The following NINL variants were observed in gnomAD, a reference collection of about 807,000 sequenced individuals.
NINL encodes the protein ninein-like protein.
In NINL, 153 loss-of-function variants were observed where a neutral mutation model predicts 160.3. The ratio of observed to expected loss-of-function variants is 0.95; its 90% CI spans 0.84 to 1.09. The LOEUF is 1.09. Among genes scored for constraint, NINL ranks in the 50% least tolerant of loss-of-function variants. The pLI is 0.00. For missense variants in NINL, 1,829 were observed against 1,764.0 expected, an observed-to-expected ratio of 1.04 and a Z score of -0.66; for synonymous variants, 800 against 734.8, an observed-to-expected ratio of 1.09 and a Z score of -1.43.
At chr20:25,544,237 C>A (rs922945421) in intron 1 of NINL, among the ~76,000 whole-genome samples, 1 of 152,036 alleles carries the variant, frequency 6.6e-6, no homozygotes, top group African/African-American at 2.4e-5. Context: ...TGGCCCCAGG[C>A]AACTCCTGGC....
At chr20:25,536,154 A>T (rs1395678459) in intron 1 of NINL, among the ~76,000 whole-genome samples, 1 of 152,196 alleles carries the variant, frequency 6.6e-6, no homozygotes, top group African/African-American at 2.4e-5. Context: ...CTTTCCACCT[A>T]CCCAAGAGAC....
At chr20:25,546,772 G>C (rs922733331) in intron 1 of NINL, among the ~76,000 whole-genome samples, 1 of 151,946 alleles carries the variant, frequency 6.6e-6, no homozygotes, top group Non-Finnish European at 1.5e-5. Flanking sequence ...AAACCCCACC[G>C]AGAGAGAGGA....
chr20:25,501,062 G>A, intron 7 of NINL, 52 bp from the exon 8 acceptor site: 1 of 1,572,038 alleles, frequency 6.4e-7, no homozygotes, highest in Non-Finnish European at 8.6e-7. Context: ...CCTCACGCCT[G>A]TGTGCTGCTG....
At chr20:25,485,244 G>C (rs951082137) in intron 13 of NINL, among the ~76,000 whole-genome samples, 1 of 152,206 alleles carries the variant, frequency 6.6e-6, no homozygotes, top group East Asian at 1.9e-4. Flanking sequence ...CCTCAGTCAT[G>C]AGAAAATATT....
intron 1 of NINL, among the ~76,000 whole-genome samples, chr20:25,545,006 G>T (rs578132429): frequency 9.2e-5 from 14 of 152,350 alleles, no homozygotes. Flanking sequence ...GACTGAGGCA[G>T]AAGTCTCAAC....
intron 21 of NINL, chr20:25,458,744 C>A: frequency 3.8e-6 from 2 of 532,466 alleles, no homozygotes; most frequent in Non-Finnish European, 3.3e-6. Flanking sequence ...TGCTAGAGTG[C>A]AGAAAACATG....
In NINL at chr20:25,458,434, G is replaced by A. The variant is rs140333821; in HGVS notation, c.3792C>T (p.Arg1264=). ...CCTGCTCTCCCTGAAGGCTGAGCAG[G>A]CGATGCAGCTCGGCCACACGGTCCT... ...VPQDRVAELH[R]LLSLQGEQAR... is the part of the protein sequence containing the mutation. The change falls in exon 22 of 24, where the codon CGC becomes CGT. Residue 1264 remains arginine, a synonymous_variant. Transcript: ENST00000278886. 1.9e-6 allele frequency: 3 copies of A among 1,606,408 alleles called. No homozygotes were observed. Among genetic ancestry groups the A allele is most frequent in the East Asian group, 4.5e-5 (2 of 44,866 alleles).
At chr20:25,518,800 T>A (rs909406994) in intron 2 of NINL, among the ~76,000 whole-genome samples, 7 of 152,074 alleles carry the variant, frequency 4.6e-5, no homozygotes, top group African/African-American at 1.7e-4. Context: ...TTTTCTCTTA[T>A]TAATTTAGAC....
intron 23 of NINL, among the ~76,000 whole-genome samples, chr20:25,454,998 C>G (rs139104903): frequency 2.6e-5 from 4 of 152,182 alleles, no homozygotes; most frequent in South Asian, 2.1e-4. Flanking sequence ...AGGATACACA[C>G]GACAGGCACT....
At chr20:25,500,116 C>T (rs956213042) in intron 8 of NINL, among the ~76,000 whole-genome samples, 7 of 152,112 alleles carry the variant, frequency 4.6e-5, no homozygotes, top group African/African-American at 1.7e-4. Context: ...GGTTTTTGTT[C>T]AGTTGAGTTC....
chr20:25,478,325 C>T (rs1220433994), intron 16 of NINL, among the ~76,000 whole-genome samples: 2 of 152,296 alleles, frequency 1.3e-5, no homozygotes, highest in Middle Eastern at 3.4e-3. Flanking sequence ...AAGCCGGGGC[C>T]AATGCTCTCC....
chr20:25,519,989 C>CAAA (rs59160061), intron 2 of NINL, among the ~76,000 whole-genome samples: 1,938 of 12,120 alleles, frequency 0.16, 669 homozygotes, highest in East Asian at 0.64. Context: ...GACCCCGTCT[C>CAAA]AAAAAAAAAA....
chr20:25,484,751 T>C (rs1030448702), intron 13 of NINL, among the ~76,000 whole-genome samples: 3 of 152,126 alleles, frequency 2.0e-5, no homozygotes, highest in African/African-American at 7.2e-5. Context: ...TTTGCAACCA[T>C]CATAGTAAAG....
intron 13 of NINL, 138 bp downstream of exon 13, chr20:25,489,106 T>C (rs1401448228): frequency 5.2e-5 from 43 of 826,596 alleles, no homozygotes; most frequent in Non-Finnish European, 8.4e-5. Flanking sequence ...TCTAGGAGTG[T>C]GGCAAGGCCA....
At chr20:25,474,175 G>A (rs2063176046) in intron 17 of NINL, among the ~76,000 whole-genome samples, 1 of 152,216 alleles carries the variant, frequency 6.6e-6, no homozygotes, top group Non-Finnish European at 1.5e-5. Context: ...GACATGAGGA[G>A]GACTCGGCCA....
At chr20:25,477,492 A>G (rs961578189) in intron 16 of NINL, among the ~76,000 whole-genome samples, 3 of 152,198 alleles carry the variant, frequency 2.0e-5, no homozygotes, top group Admixed American at 6.5e-5. Context: ...ATAGCGCTGG[A>G]GACCCAGAGC....
intron 5 of NINL, among the ~76,000 whole-genome samples, chr20:25,506,439 C>T (rs987774069): frequency 2.0e-5 from 3 of 152,212 alleles, no homozygotes; most frequent in African/African-American, 4.8e-5. Context: ...TTCTTCTCTA[C>T]CCGCTTTTCT....
At chr20:25,517,973 T>G in intron 2 of NINL, 124 bp from the exon 3 acceptor site, 3 of 533,602 alleles carry the variant, frequency 5.6e-6, no homozygotes, top group Non-Finnish European at 9.6e-6. Context: ...AATGAGAACA[T>G]TCACGTTTTC....
intron 13 of NINL, among the ~76,000 whole-genome samples, chr20:25,486,869 C>T (rs182294779): frequency 1.3e-5 from 2 of 152,338 alleles, no homozygotes; most frequent in African/African-American, 4.8e-5. Flanking sequence ...TTATCTGGTT[C>T]TCTGGCTATA....
Sources: allele counts gnomAD v4.1 joint callset (sites outside exome capture counted in the v4.1 genomes callset), GRCh38; gene constraint gnomAD v4.1.1; transcripts MANE v1.5; gene names NCBI Gene and HGNC (gene_info 2026-07-23, HGNC 2026-07-21).